The following ESRRG variants were observed in gnomAD, a reference collection of about 807,000 sequenced individuals.
The protein encoded by ESRRG is estrogen related receptor gamma.
ESRRG carries 13 observed loss-of-function variants against 44.0 expected under a neutral mutation model. The observed-to-expected ratio is 0.30, with a 90% CI of 0.19 to 0.47. The LOEUF is 0.47. ESRRG is among the 20% of genes least tolerant of loss of function. The pLI, the probability that ESRRG is intolerant of heterozygous loss-of-function variation, is 1.00. For missense variants in ESRRG, 395 were observed against 580.6 expected, an observed-to-expected ratio of 0.68 and a Z score of 3.29; for synonymous variants, 215 against 214.6, an observed-to-expected ratio of 1.00 and a Z score of -0.02.
intron 6 of ESRRG, among the ~76,000 whole-genome samples, chr1:216,507,953 G>A (rs764972500): frequency 6.6e-6 from 1 of 152,062 alleles, no homozygotes; most frequent in Non-Finnish European, 1.5e-5. Flanking sequence ...TGAGATGTGG[G>A]GAAAAAATAA....
intron 3 of ESRRG, among the ~76,000 whole-genome samples, chr1:216,647,925 T>C (rs997754020): frequency 1.3e-5 from 2 of 152,204 alleles, no homozygotes; most frequent in Non-Finnish European, 2.9e-5. Flanking sequence ...TGTTGTTTTT[T>C]GTTTAAATAG....
chr1:217,042,751 A>G (rs2084114097), intron 1 of ESRRG, among the ~76,000 whole-genome samples: 1 of 152,166 alleles, frequency 6.6e-6, no homozygotes, highest in African/African-American at 2.4e-5. Flanking sequence ...AAAAAAATTA[A>G]AAAGCTCTCC....
At chr1:216,764,398 A>AG (rs1366816871) in intron 2 of ESRRG, among the ~76,000 whole-genome samples, 1 of 151,786 alleles carries the variant, frequency 6.6e-6, no homozygotes, top group African/African-American at 2.4e-5. Flanking sequence ...CCTCCTGAGT[A>AG]GCTGGGATTA....
intron 4 of ESRRG, among the ~76,000 whole-genome samples, chr1:216,566,179 CT>C (rs2059652969): frequency 6.6e-6 from 1 of 152,108 alleles, no homozygotes; most frequent in African/African-American, 2.4e-5. Context: ...AATTTTCATT[CT>C]TGGTTCTTTG....
intron 2 of ESRRG, among the ~76,000 whole-genome samples, chr1:216,733,685 C>T (rs936110083): frequency 1.3e-5 from 2 of 151,870 alleles, no homozygotes; most frequent in Non-Finnish European, 2.9e-5. Flanking sequence ...CAACACAATC[C>T]ACAGGGTAGA....
chr1:216,899,844 G>A (rs965498966), intron 2 of ESRRG, among the ~76,000 whole-genome samples: 5 of 152,168 alleles, frequency 3.3e-5, no homozygotes, highest in African/African-American at 7.2e-5. Context: ...CCAAGAAGGT[G>A]AGTCTGGCAG....
At chr1:217,101,613 A>G (rs1240136512) in intron 1 of ESRRG, among the ~76,000 whole-genome samples, 1 of 152,076 alleles carries the variant, frequency 6.6e-6, no homozygotes, top group Non-Finnish European at 1.5e-5. Flanking sequence ...AGGATCATTT[A>G]GTTTCCAAAC....
chr1:216,820,444 C>T (rs2095261505), intron 2 of ESRRG, among the ~76,000 whole-genome samples: 1 of 152,148 alleles, frequency 6.6e-6, no homozygotes, highest in Non-Finnish European at 1.5e-5. Context: ...TTCCCTCTGC[C>T]TTATGTCAGA....
intron 3 of ESRRG, among the ~76,000 whole-genome samples, chr1:216,647,145 G>C (rs1163878464): frequency 1.3e-5 from 2 of 152,038 alleles, no homozygotes; most frequent in Non-Finnish European, 2.9e-5. Context: ...CAGATTTATA[G>C]GTGCACCTTG....
At chr1:216,944,314 A>T (rs2065734764) in intron 1 of ESRRG, among the ~76,000 whole-genome samples, 1 of 152,200 alleles carries the variant, frequency 6.6e-6, no homozygotes, top group Admixed American at 6.5e-5. Context: ...AAGATCCTTG[A>T]GTCTAGCACT....
At chr1:217,100,865 C>A (rs546504421) in intron 1 of ESRRG, among the ~76,000 whole-genome samples, 11 of 152,302 alleles carry the variant, frequency 7.2e-5, no homozygotes, top group African/African-American at 2.4e-4. Flanking sequence ...GATCCAAACA[C>A]CTCCCACCTT....
At chr1:216,812,663 A>G (rs1289916078) in intron 2 of ESRRG, among the ~76,000 whole-genome samples, 1 of 152,216 alleles carries the variant, frequency 6.6e-6, no homozygotes, top group African/African-American at 2.4e-5. Flanking sequence ...TATAAATTCA[A>G]TTTCTATGAT....
intron 1 of ESRRG, 49 bp downstream of exon 1, chr1:216,723,187 GCCCCCACC>G: frequency 7.1e-7 from 1 of 1,412,864 alleles, no homozygotes. Context: ...TAGTCTGTCC[GCCCCCACC>G]CCCGCACCCC....
At chr1:217,003,592 A>AATTAGT (rs375985318) in intron 1 of ESRRG, among the ~76,000 whole-genome samples, 329 of 148,144 alleles carry the variant, frequency 2.2e-3, no homozygotes, top group African/African-American at 7.6e-3. Context: ...TATTAATATT[A>AATTAGT]ATTAATATTA....
intron 3 of ESRRG, among the ~76,000 whole-genome samples, chr1:216,624,779 C>T (rs1416578899): frequency 6.6e-6 from 1 of 152,116 alleles, no homozygotes; most frequent in Non-Finnish European, 1.5e-5. Context: ...TTACCTAAAA[C>T]CCAGCATACC....
chr1:216,640,445 C>T (rs1279041723), intron 3 of ESRRG, among the ~76,000 whole-genome samples: 1 of 151,276 alleles, frequency 6.6e-6, no homozygotes, highest in East Asian at 2.0e-4. Flanking sequence ...AGACAGCTTG[C>T]CTTAGGGAAG....
At chr1:216,650,307 A>T (rs908231889) in intron 3 of ESRRG, among the ~76,000 whole-genome samples, 1 of 152,204 alleles carries the variant, frequency 6.6e-6, no homozygotes, top group Non-Finnish European at 1.5e-5. Context: ...TTTCACTAGA[A>T]ATGATGAAAT....
chr1:216,960,698 G>T (rs1302941632), intron 1 of ESRRG, among the ~76,000 whole-genome samples: 2 of 152,142 alleles, frequency 1.3e-5, no homozygotes, highest in East Asian at 3.9e-4. Flanking sequence ...TTATCCTCCT[G>T]CCTTAATCTC....
At chr1:216,758,263 G>A (rs377293949) in intron 2 of ESRRG, among the ~76,000 whole-genome samples, 41 of 152,044 alleles carry the variant, frequency 2.7e-4, no homozygotes, top group African/African-American at 9.9e-4. Context: ...TCAGTTTATC[G>A]CAAATGAACA....
Sources: gnomAD v4.1 joint callset for allele counts (sites outside exome capture counted in the v4.1 genomes callset) on GRCh38, gnomAD v4.1.1 for gene constraint, MANE v1.5 for transcripts, NCBI Gene and HGNC (gene_info 2026-07-23, HGNC 2026-07-21) for gene names.